Variants in FSD1L observed in about 807,000 individuals in gnomAD.
FSD1L encodes the protein FSD1-like protein.
FSD1L carries 45 observed loss-of-function variants against 71.6 expected under a neutral mutation model. The ratio of observed to expected loss-of-function variants is 0.63; its 90% CI spans 0.49 to 0.81. The LOEUF is 0.81. Ranked by LOEUF, FSD1L falls within the 30% of genes least tolerant of loss-of-function variation. The pLI is 0.00. For synonymous variants in FSD1L, 197 were observed against 207.2 expected (o/e 0.95, Z 0.42); for missense variants, 561 against 618.1 (o/e 0.91, Z 0.98).
rs916050645 is a variant in FSD1L, at chr9:105,521,143, C to G, written c.1025+8207C>G. The G allele has an allele frequency of 2.5e-6, 4 of 1,613,670 alleles. No homozygotes were observed. In the African/African-American group the frequency reaches 5.3e-5, roughly 22 times the overall value. On this transcript the variant is annotated intron_variant, in intron 10 of 13. Coordinates refer to ENST00000481272, the MANE Select transcript of FSD1L (RefSeq NM_001145313.3). ...GAAGCAATCTATTGTACAAAGGAGC[C>G]TTTCATTAAGGCTCGTGTTATTGTC...
At chr9:105,480,630 G>A (rs1832112242) in intron 6 of FSD1L, among the ~76,000 whole-genome samples, 3 of 152,042 alleles carry the variant, frequency 2.0e-5, no homozygotes, top group Admixed American at 1.3e-4. Context: ...TTTTACATCA[G>A]GCAGTAGCTA....
At position 105,506,386 on chromosome 9, in the gene FSD1L, TTC is replaced by T; in HGVS notation, c.587-11_587-10del. 1 of 1,526,352 alleles carries T rather than the reference TTC, an allele frequency of 6.6e-7. No individual in the cohort carries two copies. The highest frequency in any genetic ancestry group is 8.8e-7 in the Non-Finnish European group (1 of 1,134,450). The allele number at this position is 1,526,352 out of a possible 1,614,324, so 94.6% of individuals were successfully genotyped here. A position where few individuals can be genotyped will look rare whatever the true frequency, so the allele number is the denominator to read the frequency against. On this transcript the variant is annotated splice_polypyrimidine_tract_variant and intron_variant, in intron 7 of 13. Coordinates refer to ENST00000481272, the MANE Select transcript of FSD1L (RefSeq NM_001145313.3). ...AGGAATGAATGAGTCTTTTTTTTTTTTCTTCTTTGCAGTCCCCAAAGCTCCAG... is the reference window on the plus strand; with the variant it reads ...AGGAATGAATGAGTCTTTTTTTTTTTTTCTTTGCAGTCCCCAAAGCTCCAG...
At position 105,528,156 on chromosome 9, in the gene FSD1L, G is replaced by T. The variant is rs146901544; in HGVS notation, c.1026-6337G>T. Reference sequence around the variant, plus strand: ...AAATAAGGGAGGACACAAACAAATGGAAAAACATTCCATGCTCATGGATAG... The same window carrying T: ...AAATAAGGGAGGACACAAACAAATGTAAAAACATTCCATGCTCATGGATAG... On this transcript the variant is annotated intron_variant, in intron 10 of 13. Coordinates refer to ENST00000481272, the MANE Select transcript of FSD1L (RefSeq NM_001145313.3). Among the ~76,000 whole-genome samples, 952 of 152,220 alleles carry T rather than the reference G, an allele frequency of 6.3e-3. 15 individuals carry two copies. Among genetic ancestry groups the T allele is most frequent in the African/African-American group, 0.022 (903 of 41,536 alleles).
intron 7 of FSD1L, among the ~76,000 whole-genome samples, chr9:105,501,467 A>G (rs1436772953): frequency 6.6e-6 from 1 of 152,164 alleles, no homozygotes; most frequent in Non-Finnish European, 1.5e-5. Context: ...TCTATCACCC[A>G]GGCTGGAGTG....
upstream of FSD1L, among the ~76,000 whole-genome samples, chr9:105,447,220 A>G (rs1285757545): frequency 1.4e-5 from 2 of 146,528 alleles, no homozygotes; most frequent in African/African-American, 5.0e-5. Context: ...GCTACTCATG[A>G]GGCTGAGGCA....
At chr9:105,489,177 A>G (rs1390514817) in intron 7 of FSD1L, among the ~76,000 whole-genome samples, 1 of 152,168 alleles carries the variant, frequency 6.6e-6, no homozygotes, top group African/African-American at 2.4e-5. Flanking sequence ...GCTGAAATGC[A>G]CCAGGTATAC....
In FSD1L at chr9:105,530,816, G is replaced by A. The variant is rs77438506; in HGVS notation, c.1026-3677G>A. ...CAAAGGCCTTTGTTTTTTCAATTTA[G>A]TACTTTGGCTCAGGAAGATACAGGT... On this transcript the variant is annotated intron_variant, in intron 10 of 13. Coordinates refer to ENST00000481272, the MANE Select transcript of FSD1L (RefSeq NM_001145313.3). 7.4e-3 allele frequency: 3,534 copies of A among 475,630 alleles called. 102 individuals are homozygous for A. The highest frequency in any genetic ancestry group is 0.065 in the African/African-American group (3,243 of 50,120). The allele number at this position is 475,630 out of a possible 1,614,324, so 29.5% of individuals were successfully genotyped here.
chr9:105,521,888 T>G, intron 10 of FSD1L: 1 of 1,612,324 alleles, frequency 6.2e-7, no homozygotes, highest in Non-Finnish European at 8.5e-7. Flanking sequence ...AACCTGCAAA[T>G]GAAATAAAAA....
In FSD1L at chr9:105,448,520, A is replaced by T. The variant is rs192579206; in HGVS notation, c.15+285A>T. Among the ~76,000 whole-genome samples the T allele has an allele frequency of 2.6e-4, 40 of 152,326 alleles. No individual in the cohort carries two copies. In the East Asian group the frequency reaches 6.9e-3, roughly 26 times the overall value. The stretch of plus-strand genomic sequence containing the variant: ...ACGGAGCCATCCCCCTTTTAAAATC[A>T]GCCACTCTGCAGCGCTTTAGGCCGG... On this transcript the variant is annotated intron_variant, in intron 1 of 13. Transcript: ENST00000481272.
intron 7 of FSD1L, among the ~76,000 whole-genome samples, chr9:105,494,028 C>CT (rs1833157860): frequency 1.3e-5 from 2 of 152,094 alleles, no homozygotes; most frequent in South Asian, 4.1e-4. Flanking sequence ...TCTGTATTTC[C>CT]TTAATCTGAA....
At chr9:105,518,929 AAAG>A (rs748530289) in intron 10 of FSD1L, among the ~76,000 whole-genome samples, 1 of 152,210 alleles carries the variant, frequency 6.6e-6, no homozygotes, top group Non-Finnish European at 1.5e-5. Context: ...ATAAAGAAAA[AAAG>A]AGAGAAGAAT....
At chr9:105,525,941 T>C in intron 10 of FSD1L, 1 of 1,567,746 alleles carries the variant, frequency 6.4e-7, no homozygotes, top group Non-Finnish European at 8.8e-7. Flanking sequence ...ACCAAAAAAT[T>C]GAGACATTTG....
intron 10 of FSD1L, among the ~76,000 whole-genome samples, chr9:105,516,471 G>C (rs1039988854): frequency 2.0e-5 from 3 of 152,180 alleles, no homozygotes; most frequent in Admixed American, 2.0e-4. Flanking sequence ...TTGCCCCTCT[G>C]GGACGAAGCT....
At chr9:105,498,189 C>CA (rs1833534636) in intron 7 of FSD1L, among the ~76,000 whole-genome samples, 4 of 81,126 alleles carry the variant, frequency 4.9e-5, no homozygotes, top group Admixed American at 1.4e-4. Flanking sequence ...CTTGCTTTGG[C>CA]TTTATTATTA....
At chr9:105,493,513 A>G (rs1833109281) in intron 7 of FSD1L, among the ~76,000 whole-genome samples, 1 of 152,028 alleles carries the variant, frequency 6.6e-6, no homozygotes, top group Non-Finnish European at 1.5e-5. Context: ...TAAGGTTAAT[A>G]TTGTTATGTG....
chr9:105,450,999 C>T (rs1458915131), intron 1 of FSD1L, among the ~76,000 whole-genome samples: 2 of 152,114 alleles, frequency 1.3e-5, no homozygotes, highest in Non-Finnish European at 2.9e-5. Flanking sequence ...CTCTGTGGCC[C>T]AGGCTGGAGT....
In FSD1L at chr9:105,448,378, C is replaced by T. The variant is rs532465292; in HGVS notation, c.15+143C>T. 927 of 734,426 alleles carry T rather than the reference C, an allele frequency of 1.3e-3. 7 individuals carry two copies. The African/African-American group carries it at 0.015, about 12-fold the overall frequency. The allele number at this position is 734,426 out of a possible 1,614,324, so 45.5% of individuals were successfully genotyped here. On this transcript the variant is annotated intron_variant, in intron 1 of 13. Coordinates refer to ENST00000481272, the MANE Select transcript of FSD1L (RefSeq NM_001145313.3). The stretch of plus-strand genomic sequence containing the variant: ...CTGCTGCTGCGGAGGGCAAGGCCGC[C>T]CGGCCGCTCTCTGGGCGGGAGCTAA...
chr9:105,522,000 C>G (rs1835197607), intron 10 of FSD1L: 2 of 1,613,170 alleles, frequency 1.2e-6, no homozygotes, highest in Admixed American at 3.3e-5. Flanking sequence ...GGAACACATG[C>G]TGCTTGTGTT....
At position 105,526,152 on chromosome 9, in the gene FSD1L, A is replaced by C. The variant is rs993535816; in HGVS notation, c.1026-8341A>C. The C allele has an allele frequency of 1.1e-5, 17 of 1,577,064 alleles. No homozygotes were observed. The Admixed American group carries it at 2.2e-4, about 20-fold the overall frequency. ...GTGCTATTGTGAATGGAAAGGTTCT[A>C]CCCATTATGGTTAGAGCAACAGCTA... On this transcript the variant is annotated intron_variant, in intron 10 of 13. Transcript: ENST00000481272.
Sources: gnomAD v4.1 joint callset for allele counts (sites outside exome capture counted in the v4.1 genomes callset) on GRCh38, gnomAD v4.1.1 for gene constraint, MANE v1.5 for transcripts, NCBI Gene and HGNC (gene_info 2026-07-23, HGNC 2026-07-21) for gene names.